The following CEACAM6 variants were observed in gnomAD, a reference collection of about 807,000 sequenced individuals.
The protein encoded by CEACAM6 is CEA cell adhesion molecule 6.
Under a neutral mutation model 32.4 loss-of-function variants are expected in CEACAM6, and 21 were observed. That is an observed-to-expected ratio of 0.65 (90% CI 0.46 to 0.93). The LOEUF (loss-of-function observed/expected upper bound fraction) is 0.93, where lower values mean the gene tolerates loss of function less well. Among genes scored for constraint, CEACAM6 ranks in the 40% least tolerant of loss-of-function variants. The pLI, the probability that CEACAM6 is intolerant of heterozygous loss-of-function variation, is 0.00. For synonymous variants in CEACAM6, 184 were observed against 174.4 expected (o/e 1.06, Z -0.43); for missense variants, 406 against 432.2 (o/e 0.94, Z 0.54).
Position 41,756,920 on chromosome 19 carries a change from C to A in CEACAM6, c.385C>A (p.Leu129Ile). 1.2e-6 allele frequency: 2 copies of A among 1,613,242 alleles called. No homozygotes were observed. The highest frequency in any genetic ancestry group is 1.7e-6 in the Non-Finnish European group (2 of 1,179,494). ...FYTLQVIKSD[L>I]VNEEATGQFH... ...TACCCTACAAGTCATAAAGTCAGAT[C>A]TTGTGAATGAAGAAGCAACCGGACA... is the stretch of plus-strand genomic sequence containing the variant. The change falls in exon 2 of 6, where the codon CTT (leucine) becomes ATT (isoleucine). Residue 129 changes from leucine to isoleucine, a missense_variant. Leu to Ile is a conservative substitution (Grantham distance 5). Coordinates refer to ENST00000199764, the MANE Select transcript of CEACAM6 (RefSeq NM_002483.7).
In CEACAM6 at chr19:41,762,167, C is replaced by A. The variant is rs1555821994; in HGVS notation, c.902C>A (p.Ala301Asp). ...AATAGCGGATCCTATATGTGCCAAGCCCATAACTCAGCCACTGGCCTCAAT... is the reference window on the plus strand; with the variant it reads ...AATAGCGGATCCTATATGTGCCAAGACCATAACTCAGCCACTGGCCTCAAT... ...VNNSGSYMCQ[A>D]HNSATGLNRT... Residue 301 changes from alanine (A) to aspartate (D), a missense_variant, in exon 4 of 6, where the codon GCC becomes GAC. By Grantham distance (126) the Ala-to-Asp change is moderately radical. Transcript: ENST00000199764. 4 of 1,614,036 alleles carry A rather than the reference C, an allele frequency of 2.5e-6. No individual in the cohort carries two copies. The highest frequency in any genetic ancestry group is 2.7e-5 in the African/African-American group (2 of 74,918).
chr19:41,755,795 G>C, intron 1 of CEACAM6, 93 bp downstream of exon 1: 1 of 1,066,360 alleles, frequency 9.4e-7, no homozygotes, highest in Non-Finnish European at 1.4e-6. Context: ...AGAGGAGACA[G>C]AGGGCTTTTG....
intron 4 of CEACAM6, among the ~76,000 whole-genome samples, chr19:41,762,898 T>G (rs2072935393): frequency 6.6e-6 from 1 of 152,134 alleles, no homozygotes; most frequent in African/African-American, 2.4e-5. Context: ...TGGAGCCTCA[T>G]GACAGACTGC....
At position 41,755,642 on chromosome 19, in the gene CEACAM6, G is replaced by C. The variant is rs1555820900; in HGVS notation, c.4G>C (p.Gly2Arg). Residue 2 changes from glycine (G) to arginine (R), a missense_variant, in exon 1 of 6, where the codon GGA becomes CGA. Coordinates refer to ENST00000199764, the MANE Select transcript of CEACAM6 (RefSeq NM_002483.7). ...GACAGAGAAGACAGCAGAGACCATG[G>C]GACCCCCCTCAGCCCCTCCCTGCAG... is the stretch of plus-strand genomic sequence containing the variant. MGPPSAPPCRLH... is the reference protein window; with the variant it reads MRPPSAPPCRLH... 1 of 1,611,368 alleles carries C rather than the reference G, an allele frequency of 6.2e-7. No homozygotes were observed. The highest frequency in any genetic ancestry group is 1.7e-5 in the Admixed American group (1 of 59,584).
At chr19:41,761,849 G>T in intron 3 of CEACAM6, 120 bp from the exon 4 acceptor site, 1 of 1,298,850 alleles carries the variant, frequency 7.7e-7, no homozygotes, top group South Asian at 1.4e-5. Context: ...CATAGCGGGG[G>T]TTTGGTTGAG....
In CEACAM6 at chr19:41,756,053, A is replaced by T. The variant is rs571846384; in HGVS notation, c.64+351A>T. On this transcript the variant is annotated intron_variant, in intron 1 of 5. Coordinates refer to ENST00000199764, the MANE Select transcript of CEACAM6 (RefSeq NM_002483.7). ...CTTACTCACCAATCAGAAGTTGAAA[A>T]ATAACCACCAGATACACTCATTAAC... Among the ~76,000 whole-genome samples, 5 of 152,340 alleles carry T rather than the reference A, an allele frequency of 3.3e-5. No homozygotes were observed. In the South Asian group the frequency reaches 1.0e-3, roughly 32 times the overall value.
rs1336976922 is a variant in CEACAM6, at chr19:41,771,749, A to T, written c.*988A>T. ...ATTACAAAACTCAGAGAAATGTGTC[A>T]TCAGGAGAACATCATAACCCATGAA... On this transcript the variant is annotated 3_prime_UTR_variant, in exon 6 of 6. Transcript: ENST00000199764. The T allele has an allele frequency of 2.0e-5, 3 of 152,216 alleles. No individual in the cohort carries two copies. The highest frequency in any genetic ancestry group is 4.4e-5 in the Non-Finnish European group (3 of 68,038). The allele number at this position is 152,216 out of a possible 1,614,324, so 9.4% of individuals were successfully genotyped here.
In CEACAM6 at chr19:41,761,336, T is replaced by C. The variant is rs782451361; in HGVS notation, c.512T>C (p.Val171Ala). 4.3e-6 allele frequency: 7 copies of C among 1,614,132 alleles called. No homozygotes were observed. Among genetic ancestry groups the C allele is most frequent in the East Asian group, 2.2e-5 (1 of 44,878 alleles). ...DAVAFTCEPE[V>A]QNTTYLWWVN... is the part of the protein sequence containing the mutation. ...GTGGCCTTCACCTGTGAACCTGAGG[T>C]TCAGAACACAACCTACCTGTGGTGG... The change falls in exon 3 of 6, where the codon GTT becomes GCT. Residue 171 changes from valine to alanine, a missense_variant. Val to Ala is a moderately conservative substitution (Grantham distance 64). Transcript: ENST00000199764.
chr19:41,755,558 C>A lies in CEACAM6; in HGVS notation c.-81C>A. The A allele has an allele frequency of 1.5e-6, 2 of 1,331,918 alleles. No homozygotes were observed. Among genetic ancestry groups the A allele is most frequent in the Non-Finnish European group, 2.1e-6 (2 of 930,502 alleles). 82.5% of individuals were successfully genotyped at this position (1,331,918 alleles called of 1,614,324 possible). On this transcript the variant is annotated 5_prime_UTR_variant, in exon 1 of 6. Transcript: ENST00000199764. ...GAAGGAGGAAGGACAGCAGGGCCAA[C>A]AGTCACAGCAGCCCTGACCAGAGCA... is the stretch of plus-strand genomic sequence containing the variant.
At position 41,757,073 on chromosome 19, in the gene CEACAM6, G is replaced by C. The variant is rs2072892870; in HGVS notation, c.424+114G>C. 1.3e-5 allele frequency: 20 copies of C among 1,503,252 alleles called. No individual in the cohort carries two copies. The South Asian group carries it at 2.7e-4, about 20-fold the overall frequency. The allele number at this position is 1,503,252 out of a possible 1,614,324, so 93.1% of individuals were successfully genotyped here. ...CTCTCTGCATTACATCCTGTATCAG[G>C]GTTTGGACATTTAGTGCAGGACACA... is the stretch of plus-strand genomic sequence containing the variant. On this transcript the variant is annotated intron_variant, in intron 2 of 5. Transcript: ENST00000199764.
At chr19:41,757,054 G>A in intron 2 of CEACAM6, 95 bp downstream of exon 2, 1 of 1,524,846 alleles carries the variant, frequency 6.6e-7, no homozygotes, top group Non-Finnish European at 8.8e-7. Flanking sequence ...GGCCCTCTCT[G>A]CATTACATCC....
At chr19:41,769,817 A>C (rs987682663) in intron 5 of CEACAM6, among the ~76,000 whole-genome samples, 2 of 140,006 alleles carry the variant, frequency 1.4e-5, no homozygotes, top group Admixed American at 7.1e-5. Flanking sequence ...TTAATAAATT[A>C]ATAATTATTA....
Position 41,762,144 on chromosome 19 carries a change from T to C in CEACAM6, c.879T>C (p.Asn293=). The change falls in exon 4 of 6, where the codon AAT becomes AAC. Residue 293 remains asparagine, a synonymous_variant. Transcript: ENST00000199764. ...ELFIPNITVN[N]SGSYMCQAHN... ...TTATCCCCAACATCACTGTGAATAA[T>C]AGCGGATCCTATATGTGCCAAGCCC... 6.2e-7 allele frequency: 1 copy of C among 1,614,140 alleles called. No homozygotes were observed. The highest frequency in any genetic ancestry group is 8.5e-7 in the Non-Finnish European group (1 of 1,180,024).
chr19:41,764,729 TTTTA>T (rs1272365656), intron 4 of CEACAM6, among the ~76,000 whole-genome samples: 1 of 152,246 alleles, frequency 6.6e-6, no homozygotes, highest in Non-Finnish European at 1.5e-5. Context: ...ATAGCCTCCA[TTTTA>T]TTTATTTCAG....
In CEACAM6 at chr19:41,762,669, G is replaced by A. The variant is rs1186441079; in HGVS notation, c.958+446G>A. 2.0e-5 allele frequency among the ~76,000 whole-genome samples: 3 copies of A among 152,180 alleles called. No individual in the cohort carries two copies. The East Asian group carries it at 5.8e-4, about 29-fold the overall frequency. On this transcript the variant is annotated intron_variant, in intron 4 of 5. Coordinates refer to ENST00000199764, the MANE Select transcript of CEACAM6 (RefSeq NM_002483.7). Reference sequence around the variant, plus strand: ...CTCACACTTTTTCCTTAAATGAGAAGAGGAAGCCCCTTGGGTGATGGAGGA... The same window carrying A: ...CTCACACTTTTTCCTTAAATGAGAAAAGGAAGCCCCTTGGGTGATGGAGGA...
chr19:41,769,006 C>T (rs1421799512), intron 5 of CEACAM6, among the ~76,000 whole-genome samples: 3 of 152,052 alleles, frequency 2.0e-5, no homozygotes, highest in Admixed American at 2.0e-4. Context: ...AGTGCAATGG[C>T]GTGATTTCGG....
At chr19:41,766,563 C>G (rs781921668) in intron 5 of CEACAM6, among the ~76,000 whole-genome samples, 21 of 152,154 alleles carry the variant, frequency 1.4e-4, no homozygotes, top group Non-Finnish European at 2.6e-4. Context: ...CGTCCTTTTT[C>G]AACATCTCTC....
intron 4 of CEACAM6, among the ~76,000 whole-genome samples, chr19:41,763,110 AAT>A (rs1260091667): frequency 6.6e-6 from 1 of 152,164 alleles, no homozygotes; most frequent in Admixed American, 6.5e-5. Flanking sequence ...CTATGTATCT[AAT>A]ATAGGACTTA....
At chr19:41,765,040 C>A (rs974652136) in intron 4 of CEACAM6, among the ~76,000 whole-genome samples, 35 of 152,152 alleles carry the variant, frequency 2.3e-4, no homozygotes, top group African/African-American at 8.2e-4. Context: ...AAGCCTTCAG[C>A]AAAATGCCAC....
Sources: allele counts gnomAD v4.1 joint callset (sites outside exome capture counted in the v4.1 genomes callset), GRCh38; gene constraint gnomAD v4.1.1; transcripts MANE v1.5; gene names NCBI Gene and HGNC (gene_info 2026-07-23, HGNC 2026-07-21).